Variants in HSH2D observed in about 807,000 individuals in gnomAD.
HSH2D encodes the protein hematopoietic SH2 domain containing, also known as hematopoietic SH2 domain-containing protein.
Under a neutral mutation model 21.5 loss-of-function variants are expected in HSH2D, and 16 were observed. The observed-to-expected ratio is 0.74, with a 90% CI of 0.50 to 1.13. The LOEUF (loss-of-function observed/expected upper bound fraction) is 1.13. Ranked by LOEUF, HSH2D falls within the 50% of genes most tolerant of loss-of-function variation. The probability of loss-of-function intolerance (pLI) is 0.00; values close to 1 mark genes in which losing one functional copy is unlikely to be tolerated. For missense variants in HSH2D, 418 were observed against 441.4 expected (o/e 0.95, Z 0.47); for synonymous variants, 172 against 184.7 (o/e 0.93, Z 0.56).
At chr19:16,137,763 T>C (rs144480228) in intron 1 of HSH2D, among the ~76,000 whole-genome samples, 82 of 152,050 alleles carry the variant, frequency 5.4e-4, no homozygotes, top group African/African-American at 1.9e-3. Context: ...TTTACTTTTT[T>C]GTAGAGATGG....
At chr19:16,145,140 A>G (rs2091051142) in intron 1 of HSH2D, among the ~76,000 whole-genome samples, 1 of 144,204 alleles carries the variant, frequency 6.9e-6, no homozygotes. Flanking sequence ...CCGAGTTCAG[A>G]TGATTCTCCT....
chr19:16,148,601 G>A, intron 1 of HSH2D, 123 bp from the exon 2 acceptor site: 1 of 910,430 alleles, frequency 1.1e-6, no homozygotes, highest in Admixed American at 2.5e-5. Flanking sequence ...CCAGTTTTAA[G>A]TCCATTGCTC....
intron 1 of HSH2D, among the ~76,000 whole-genome samples, chr19:16,138,478 G>A (rs1392169534): frequency 1.3e-5 from 2 of 152,132 alleles, no homozygotes; most frequent in Admixed American, 6.6e-5. Context: ...GTTTGTTTGA[G>A]ATGGAGTCTC....
At chr19:16,146,482 A>T (rs2091070871) in intron 1 of HSH2D, among the ~76,000 whole-genome samples, 1 of 152,110 alleles carries the variant, frequency 6.6e-6, no homozygotes, top group Non-Finnish European at 1.5e-5. Context: ...TCAAAGCCAG[A>T]CTGGACAACA....
chr19:16,141,261 G>A (rs10414241), upstream of HSH2D, among the ~76,000 whole-genome samples: 373 of 152,350 alleles, frequency 2.4e-3, no homozygotes, highest in African/African-American at 8.6e-3. Flanking sequence ...GGCAGACGAG[G>A]TGCTGCTGTT....
chr19:16,141,274 C>T (rs532887300), upstream of HSH2D, among the ~76,000 whole-genome samples: 4 of 152,276 alleles, frequency 2.6e-5, no homozygotes, highest in African/African-American at 9.6e-5. Context: ...CTGCTGTTGC[C>T]GAGGAGGAGC....
intron 1 of HSH2D, among the ~76,000 whole-genome samples, chr19:16,135,359 T>C (rs190616760): frequency 8.0e-4 from 121 of 151,442 alleles, no homozygotes; most frequent in African/African-American, 2.9e-3. Context: ...AGCCCAGGAG[T>C]TGGAGGCTGC....
intron 1 of HSH2D, among the ~76,000 whole-genome samples, chr19:16,137,362 T>C (rs2090970716): frequency 6.6e-6 from 1 of 152,050 alleles, no homozygotes; most frequent in Non-Finnish European, 1.5e-5. Flanking sequence ...GCGCGGTAGC[T>C]CACACCTATA....
Position 16,156,484 on chromosome 19 carries a change from C to T in HSH2D, c.475-726C>T, listed in dbSNP as rs2091239144. On this transcript the variant is annotated intron_variant, in intron 5 of 5. Coordinates refer to ENST00000613986, the MANE Select transcript of HSH2D (RefSeq NM_001382417.1). ...CAGGCATGAGCTATCACACCTGGCC[C>T]CACATTTTTGTAAAGATAGTATTTT... Among the ~76,000 whole-genome samples, 3 of 152,136 alleles carry T rather than the reference C, an allele frequency of 2.0e-5. No individual in the cohort carries two copies. The South Asian group carries it at 6.2e-4, about 32-fold the overall frequency.
upstream of HSH2D, among the ~76,000 whole-genome samples, chr19:16,142,558 G>T (rs559030564): frequency 6.6e-6 from 1 of 152,250 alleles, no homozygotes. Context: ...CCACCTCCCG[G>T]GTTCAAGCGA....
upstream of HSH2D, among the ~76,000 whole-genome samples, chr19:16,143,121 G>T (rs142368571): frequency 4.0e-5 from 6 of 151,478 alleles, no homozygotes; most frequent in African/African-American, 1.5e-4. Flanking sequence ...GTCTCACTCC[G>T]TTGCCCAGGC....
At chr19:16,148,492 C>T (rs7249402) in intron 1 of HSH2D, among the ~76,000 whole-genome samples, 16,904 of 151,922 alleles carry the variant, frequency 0.11, 1,423 homozygotes, top group African/African-American at 0.24. Context: ...CACTATGTTG[C>T]CCAGGCTGGT....
At chr19:16,142,494 A>G (rs554786065), upstream of HSH2D, among the ~76,000 whole-genome samples, 3 of 151,728 alleles carry the variant, frequency 2.0e-5, no homozygotes, top group South Asian at 2.1e-4. Context: ...ACGGAGTTAC[A>G]CTCTCGCTGC....
At chr19:16,138,606 C>T (rs758528703) in intron 1 of HSH2D, among the ~76,000 whole-genome samples, 5 of 151,472 alleles carry the variant, frequency 3.3e-5, no homozygotes, top group Admixed American at 6.6e-5. Flanking sequence ...TACAGGCGTG[C>T]GCCACCATGC....
In HSH2D at chr19:16,154,660, C is replaced by T. The variant is rs916052642; in HGVS notation, c.474+169C>T. On this transcript the variant is annotated intron_variant, in intron 5 of 5. Coordinates refer to ENST00000613986, the MANE Select transcript of HSH2D (RefSeq NM_001382417.1). ...AACACCGAGATTAAAATTCAAACTACAATCTGAGGTCCTCTTTCTGCCTGT... is the reference window on the plus strand; with the variant it reads ...AACACCGAGATTAAAATTCAAACTATAATCTGAGGTCCTCTTTCTGCCTGT... 8.0e-5 allele frequency: 42 copies of T among 524,636 alleles called. No homozygotes were observed. In the South Asian group the frequency reaches 8.4e-4, roughly 11 times the overall value. The allele number at this position is 524,636 out of a possible 1,614,324, so 32.5% of individuals were successfully genotyped here.
intron 1 of HSH2D, among the ~76,000 whole-genome samples, chr19:16,135,302 A>G (rs2090954855): frequency 6.6e-6 from 1 of 151,438 alleles, no homozygotes; most frequent in South Asian, 2.1e-4. Flanking sequence ...GGTGGCATGC[A>G]CCTGTAGTCC....
chr19:16,152,549 C>T lies in HSH2D; in HGVS notation c.126-3C>T. ...CATTTCCTTTCTGTGTGTGCCCTTC[C>T]AGGGATGCTGAGAACTTGCTGGAGT... is the stretch of plus-strand genomic sequence containing the variant. On this transcript the variant is annotated splice_polypyrimidine_tract_variant and splice_region_variant and intron_variant, in intron 2 of 5. Transcript: ENST00000613986. 6.7e-7 allele frequency: 1 copy of T among 1,487,742 alleles called. No homozygotes were observed. 92.2% of individuals were successfully genotyped at this position (1,487,742 alleles called of 1,614,324 possible). A position where few individuals can be genotyped will look rare whatever the true frequency, so the allele number is the denominator to read the frequency against.
intron 5 of HSH2D, 105 bp downstream of exon 5, chr19:16,154,596 C>T: frequency 1.6e-6 from 1 of 640,154 alleles, no homozygotes; most frequent in Non-Finnish European, 2.7e-6. Context: ...AGAATGCGAT[C>T]CTACAGCTTG....
chr19:16,134,942 TAGTG>T (rs1399197154), intron 1 of HSH2D, among the ~76,000 whole-genome samples: 1 of 105,418 alleles, frequency 9.5e-6, no homozygotes, highest in Admixed American at 1.2e-4. Context: ...CTGGACAACA[TAGTG>T]AGACCCCATC....
Sources: gnomAD v4.1 joint callset for allele counts (sites outside exome capture counted in the v4.1 genomes callset) on GRCh38, gnomAD v4.1.1 for gene constraint, MANE v1.5 for transcripts, NCBI Gene and HGNC (gene_info 2026-07-23, HGNC 2026-07-21) for gene names.